NECAB2: variants seen among roughly 807,000 people sequenced by gnomAD.
NECAB2 encodes N-terminal EF-hand calcium binding protein 2.
In NECAB2, 68 loss-of-function variants were observed where a neutral mutation model predicts 51.9. The observed-to-expected ratio is 1.31, with a 90% CI of 1.08 to 1.60. NECAB2 has a LOEUF of 1.60. Ranked by LOEUF, NECAB2 falls within the 40% of genes most tolerant of loss-of-function variation. The probability of loss-of-function intolerance (pLI) is 0.00; values close to 1 mark genes in which losing one functional copy is unlikely to be tolerated. For missense variants in NECAB2, 854 were observed against 490.3 expected (o/e 1.74, Z -7.00); for synonymous variants, 329 against 203.5 (o/e 1.62, Z -5.25).
In NECAB2 at chr16:83,981,041, G is replaced by A. The variant is rs775807806; in HGVS notation, c.373G>A (p.Asp125Asn). ...DTKELCDYFV[D>N]HMGDYEDVLA... ...CTTTCCTTCCCCAGATTACTTTGTGGACCACATGGGTGACTATGAGGATGT... is the reference window on the plus strand; with the variant it reads ...CTTTCCTTCCCCAGATTACTTTGTGAACCACATGGGTGACTATGAGGATGT... Residue 125 changes from aspartate (D) to asparagine (N), a missense_variant, in exon 5 of 13, where the codon GAC becomes AAC. Transcript: ENST00000305202. 6.2e-7 allele frequency: 1 copy of A among 1,614,114 alleles called. No homozygotes were observed. Among genetic ancestry groups the A allele is most frequent in the Non-Finnish European group, 8.5e-7 (1 of 1,179,982 alleles).
At chr16:83,972,008 G>T (rs977053974) in intron 1 of NECAB2, 143 bp from the exon 2 acceptor site, 10 of 1,090,054 alleles carry the variant, frequency 9.2e-6, no homozygotes, top group South Asian at 2.8e-5. Context: ...AGCCCGGGGA[G>T]GGGGAGAGGG....
At chr16:83,974,701 C>T (rs1437597131) in intron 2 of NECAB2, among the ~76,000 whole-genome samples, 2 of 152,144 alleles carry the variant, frequency 1.3e-5, no homozygotes, top group African/African-American at 2.4e-5. Context: ...CAGGCAGGTT[C>T]TGATTCAACA....
At chr16:84,000,900 A>ATTGGAGGGGAGGGTAAG in intron 11 of NECAB2, 99 bp downstream of exon 11, 1 of 1,203,348 alleles carries the variant, frequency 8.3e-7, no homozygotes, top group Non-Finnish European at 1.2e-6. Flanking sequence ...GGTAAGGCCG[A>ATTGGAGGGGAGGGTAAG]GTCCAGTCAG....
intron 11 of NECAB2, 140 bp from the exon 12 acceptor site, chr16:84,001,685 C>G: frequency 1.2e-6 from 1 of 841,342 alleles, no homozygotes; most frequent in Non-Finnish European, 1.9e-6. Context: ...CCTCACCTTC[C>G]CACAAAGGCT....
intron 5 of NECAB2, among the ~76,000 whole-genome samples, chr16:83,983,925 T>C (rs989456842): frequency 4.6e-5 from 7 of 152,108 alleles, no homozygotes; most frequent in African/African-American, 4.8e-5. Flanking sequence ...TTCATAGTTA[T>C]TTTAAGGTCA....
At chr16:83,985,293 A>G (rs1334342094) in intron 5 of NECAB2, among the ~76,000 whole-genome samples, 3 of 137,248 alleles carry the variant, frequency 2.2e-5, no homozygotes, top group African/African-American at 8.4e-5. Context: ...AGCCTGGACA[A>G]CAAGAGCAAA....
upstream of NECAB2, chr16:83,966,064 C>A: frequency 7.5e-7 from 1 of 1,333,636 alleles, no homozygotes; most frequent in Non-Finnish European, 1.0e-6. Context: ...GACCACATCC[C>A]TGCTGGATGC....
intron 8 of NECAB2, among the ~76,000 whole-genome samples, chr16:83,995,351 C>T (rs1178733540): frequency 6.6e-6 from 1 of 152,018 alleles, no homozygotes; most frequent in Non-Finnish European, 1.5e-5. Flanking sequence ...GGGCCAGGGA[C>T]TTGTCCTCTC....
chr16:83,993,387 G>A (rs73248822), intron 6 of NECAB2: 9,894 of 152,696 alleles, frequency 0.065, 1,053 homozygotes, highest in African/African-American at 0.22. Flanking sequence ...AGAGCCTGGC[G>A]GAGTGTTCAA....
intron 2 of NECAB2, among the ~76,000 whole-genome samples, chr16:83,975,992 T>G (rs1273539013): frequency 6.6e-6 from 1 of 152,130 alleles, no homozygotes. Context: ...AGGGGGCACC[T>G]TGCTGGCCTC....
intron 6 of NECAB2, among the ~76,000 whole-genome samples, chr16:83,992,959 G>A (rs200084171): frequency 3.9e-5 from 6 of 152,206 alleles, no homozygotes; most frequent in Non-Finnish European, 7.3e-5. Context: ...GCAGTTTTCA[G>A]GGCAGACTTC....
At chr16:84,000,853 G>C in intron 11 of NECAB2, 52 bp downstream of exon 11, 1 of 1,577,424 alleles carries the variant, frequency 6.3e-7, no homozygotes, top group Non-Finnish European at 8.7e-7. Context: ...GAAGTGGGGG[G>C]GCTGTCTTCC....
intron 11 of NECAB2, among the ~76,000 whole-genome samples, 166 bp from the exon 12 acceptor site, chr16:84,001,659 G>A (rs1228782546): frequency 1.4e-5 from 2 of 139,842 alleles, no homozygotes; most frequent in Admixed American, 6.7e-5. Context: ...CCCAGAGTCA[G>A]CCTCCCTGGG....
intron 5 of NECAB2, among the ~76,000 whole-genome samples, 168 bp from the exon 6 acceptor site, chr16:83,990,326 G>C (rs2084606090): frequency 6.6e-6 from 1 of 152,170 alleles, no homozygotes; most frequent in Non-Finnish European, 1.5e-5. Flanking sequence ...CTCTGCGTTG[G>C]AAATGCTACA....
At chr16:83,997,163 C>T (rs368684647) in intron 8 of NECAB2, 53 bp from the exon 9 acceptor site, 64 of 1,610,402 alleles carry the variant, frequency 4.0e-5, no homozygotes, top group East Asian at 2.0e-4. Context: ...CCTGGCTCCC[C>T]GGGGCGGAGT....
chr16:83,997,109 C>T (rs994412204), intron 8 of NECAB2, 107 bp from the exon 9 acceptor site: 312 of 1,342,882 alleles, frequency 2.3e-4, no homozygotes, highest in Non-Finnish European at 3.1e-4. Flanking sequence ...TGCAACAGGG[C>T]CGGGTCCTTG....
At chr16:83,983,097 G>T (rs2084509621) in intron 5 of NECAB2, among the ~76,000 whole-genome samples, 1 of 152,058 alleles carries the variant, frequency 6.6e-6, no homozygotes, top group Non-Finnish European at 1.5e-5. Context: ...TCAAAGTCCT[G>T]ACTTGAGGTG....
chr16:83,966,877 T>G (rs79087756), upstream of NECAB2, among the ~76,000 whole-genome samples: 1 of 151,574 alleles, frequency 6.6e-6, no homozygotes, highest in African/African-American at 2.4e-5. Flanking sequence ...AGCAGTGCAG[T>G]TTTTTTTTCT....
At position 84,002,439 on chromosome 16, in the gene NECAB2, G is replaced by T. The variant is rs961145761; in HGVS notation, c.*93G>T. 2.0e-6 allele frequency: 3 copies of T among 1,483,874 alleles called. No individual in the cohort carries two copies. The highest frequency in any genetic ancestry group is 2.8e-5 in the African/African-American group (2 of 71,626). 91.9% of individuals were successfully genotyped at this position (1,483,874 alleles called of 1,614,324 possible). On this transcript the variant is annotated 3_prime_UTR_variant, in exon 13 of 13. Coordinates refer to ENST00000305202, the MANE Select transcript of NECAB2 (RefSeq NM_019065.3). ...TCTAGACAGACACTTTGGTGCAGAA[G>T]CTTCTTTTCAATCCATCCTCCACAA...
Sources: gnomAD v4.1 joint callset for allele counts (sites outside exome capture counted in the v4.1 genomes callset) on GRCh38, gnomAD v4.1.1 for gene constraint, MANE v1.5 for transcripts, NCBI Gene and HGNC (gene_info 2026-07-23, HGNC 2026-07-21) for gene names.